The following DYNC1H1 variants were observed in gnomAD, a reference collection of about 807,000 sequenced individuals.
DYNC1H1 encodes dynein cytoplasmic 1 heavy chain 1.
A neutral mutation model predicts 527.1 loss-of-function variants in DYNC1H1; 51 were observed. The ratio of observed to expected loss-of-function variants is 0.10; its 90% CI spans 0.08 to 0.12. DYNC1H1 has a LOEUF of 0.12. Ranked by LOEUF, DYNC1H1 falls within the 10% of genes least tolerant of loss-of-function variation. The probability of loss-of-function intolerance (pLI) is 1.00; values close to 1 mark genes in which losing one functional copy is unlikely to be tolerated. For synonymous variants in DYNC1H1, 2,189 were observed against 2,278.8 expected (o/e 0.96, Z 1.12); for missense variants, 2,771 against 5,971.8 (o/e 0.46, Z 17.66).
chr14:102,042,132 T>C lies in DYNC1H1; in HGVS notation c.12214+8T>C, dbSNP rs1447108512. On this transcript the variant is annotated splice_region_variant and intron_variant, in intron 66 of 77. Coordinates refer to ENST00000360184, the MANE Select transcript of DYNC1H1 (RefSeq NM_001376.5). This position sits in a 1 kb window ranked among gnomAD's most constrained non-coding sequence, Gnocchi z 5.7. ...TCACTTCAATTGCAATCGGTAAGGA[T>C]GCTTGAGGGGCTTCATGGGCTGGAG... The C allele has an allele frequency of 6.2e-7, 1 of 1,614,096 alleles. No individual in the cohort carries two copies.
Position 102,034,161 on chromosome 14 carries a change from C to G in DYNC1H1, c.10599C>G (p.Ser3533=). ...GTCAGAACTTGTTCACTACCTGGTC[C>G]CATCACCTACAGCAAGCCAACATCC... The part of the protein sequence containing the change: ...QMRQNLFTTW[S]HHLQQANIQF... Residue 3533 remains serine, a synonymous_variant, in exon 55 of 78, where the codon TCC becomes TCG. Coordinates refer to ENST00000360184, the MANE Select transcript of DYNC1H1 (RefSeq NM_001376.5). 1 of 1,614,158 alleles carries G rather than the reference C, an allele frequency of 6.2e-7. No homozygotes were observed. The highest frequency in any genetic ancestry group is 8.5e-7 in the Non-Finnish European group (1 of 1,180,042).
chr14:102,008,632 T>C (rs763040095), intron 29 of DYNC1H1, among the ~76,000 whole-genome samples: 1 of 151,934 alleles, frequency 6.6e-6, no homozygotes, highest in Non-Finnish European at 1.5e-5. Context: ...ACTGAAAATA[T>C]AAAAATTAGC....
At chr14:101,973,679 G>A (rs1421203930) in intron 1 of DYNC1H1, among the ~76,000 whole-genome samples, 1 of 152,042 alleles carries the variant, frequency 6.6e-6, no homozygotes, top group Non-Finnish European at 1.5e-5. Flanking sequence ...TGGCATGAGC[G>A]TGGGGTCCCA....
In DYNC1H1 at chr14:102,035,446, G is replaced by A. The variant is rs1595627392; in HGVS notation, c.10754+994G>A. Reference sequence around the variant, plus strand: ...ACGTCTCACCGGGTGGTGCCAGCAAGAGTATGAATCAATCAGTACAGCCTG... The same window carrying A: ...ACGTCTCACCGGGTGGTGCCAGCAAAAGTATGAATCAATCAGTACAGCCTG... On this transcript the variant is annotated intron_variant, in intron 56 of 77. Coordinates refer to ENST00000360184, the MANE Select transcript of DYNC1H1 (RefSeq NM_001376.5). 2.6e-5 allele frequency: 4 copies of A among 152,410 alleles called. No homozygotes were observed. The East Asian group carries it at 7.7e-4, about 29-fold the overall frequency. 9.4% of individuals were successfully genotyped at this position (152,410 alleles called of 1,614,324 possible).
rs1595615408 is a variant in DYNC1H1, at chr14:102,012,547, C to G, written c.7014+77C>G. 3 of 1,592,910 alleles carry G rather than the reference C, an allele frequency of 1.9e-6. No individual in the cohort carries two copies. The East Asian group carries it at 6.7e-5, about 36-fold the overall frequency. ...AACTTCGTGTGCTAGCTAAGTGCAG[C>G]TCTGGAGTCATGGACCCAGATTCCA... On this transcript the variant is annotated intron_variant, in intron 34 of 77. Transcript: ENST00000360184. The surrounding 1 kb of genome is among the most constrained non-coding windows in gnomAD (Gnocchi z 4.9).
chr14:101,983,167 A>G lies in DYNC1H1; in HGVS notation c.1110A>G (p.Thr370=), dbSNP rs757687354. The change falls in exon 6 of 78, where the codon ACA becomes ACG. Residue 370 remains threonine (T), a synonymous_variant. Transcript: ENST00000360184. The surrounding 1 kb of genome is among the most constrained non-coding windows in gnomAD (Gnocchi z 5.3). ...CACATTTGAGAAAGATCCGAAACACAAAATATCCTATTCAGAGGGCACTGC... is the reference window on the plus strand; with the variant it reads ...CACATTTGAGAAAGATCCGAAACACGAAATATCCTATTCAGAGGGCACTGC... ...IFTHLRKIRN[T]KYPIQRALRL... is the part of the protein sequence containing the mutation. The G allele has an allele frequency of 1.2e-6, 2 of 1,614,206 alleles. No homozygotes were observed. Among genetic ancestry groups the G allele is most frequent in the Non-Finnish European group, 1.7e-6 (2 of 1,180,034 alleles).
At chr14:102,007,528 G>C (rs561724510) in intron 28 of DYNC1H1, among the ~76,000 whole-genome samples, 17 of 152,098 alleles carry the variant, frequency 1.1e-4, no homozygotes, top group Non-Finnish European at 2.1e-4. Flanking sequence ...TCATGATAAC[G>C]GCTGTTGTTC....
intron 72 of DYNC1H1, 152 bp from the exon 73 acceptor site, chr14:102,047,663 ATG>A (rs1015625599): frequency 4.7e-5 from 28 of 596,038 alleles, no homozygotes; most frequent in Middle Eastern, 4.7e-4. Flanking sequence ...ATATATATAT[ATG>A]TACACACGGC....
intron 34 of DYNC1H1, among the ~76,000 whole-genome samples, chr14:102,014,871 A>G (rs866886346): frequency 1.3e-5 from 2 of 152,022 alleles, no homozygotes; most frequent in African/African-American, 2.4e-5. Flanking sequence ...GCTAGAGTGC[A>G]GTGGCATGAT....
Position 102,030,370 on chromosome 14 carries a change from A to C in DYNC1H1, c.9883+88A>C, listed in dbSNP as rs1263567478. 1.6e-5 allele frequency: 26 copies of C among 1,595,614 alleles called. No individual in the cohort carries two copies. The East Asian group carries it at 5.6e-4, about 34-fold the overall frequency. On this transcript the variant is annotated intron_variant, in intron 51 of 77. Coordinates refer to ENST00000360184, the MANE Select transcript of DYNC1H1 (RefSeq NM_001376.5). Reference sequence around the variant, plus strand: ...GAGTTCAGGTCACTGAACATTGCACATATGCTTCCCTCAAAGGTTCTGGTT... The same window carrying C: ...GAGTTCAGGTCACTGAACATTGCACCTATGCTTCCCTCAAAGGTTCTGGTT...
chr14:101,984,282 G>A (rs572763012), intron 7 of DYNC1H1, among the ~76,000 whole-genome samples: 269 of 151,644 alleles, frequency 1.8e-3, no homozygotes, highest in African/African-American at 6.3e-3. Context: ...GAGCCACCGC[G>A]CCCTGCCCGT....
In DYNC1H1 at chr14:102,015,495, C is replaced by T. The variant is rs1667391985; in HGVS notation, c.7242+163C>T. Among the ~76,000 whole-genome samples the T allele has an allele frequency of 6.6e-6, 1 of 152,194 alleles. No homozygotes were observed. The highest frequency in any genetic ancestry group is 6.5e-5 in the Admixed American group (1 of 15,276). On this transcript the variant is annotated intron_variant, in intron 35 of 77. Transcript: ENST00000360184. The surrounding 1 kb of genome is among the most constrained non-coding windows in gnomAD (Gnocchi z 6.9). ...GATTACAGGCATGAGTCACTGTACC[C>T]AGCCAACTTTTGTGTAATCAATGTT...
rs764354743 is a variant in DYNC1H1, at chr14:102,010,072, C to A, written c.6207C>A (p.Ile2069=). The change falls in exon 30 of 78, where the codon ATC becomes ATA. Residue 2069 remains isoleucine, a synonymous_variant. Coordinates refer to ENST00000360184, the MANE Select transcript of DYNC1H1 (RefSeq NM_001376.5). The surrounding 1 kb of genome is among the most constrained non-coding windows in gnomAD (Gnocchi z 6.0). The part of the protein sequence containing the change: ...FRTAEVLANK[I]VPFFKLCDEQ... ...CTGCTGAAGTGCTTGCCAACAAAAT[C>A]GTCCCGTTTTTTAAGTAAGTAGCCT... 1.2e-6 allele frequency: 2 copies of A among 1,613,672 alleles called. No individual in the cohort carries two copies. The highest frequency in any genetic ancestry group is 1.7e-6 in the Non-Finnish European group (2 of 1,180,048).
chr14:101,982,204 C>T (rs1348561073), intron 5 of DYNC1H1, among the ~76,000 whole-genome samples: 1 of 152,218 alleles, frequency 6.6e-6, no homozygotes, highest in Non-Finnish European at 1.5e-5. Flanking sequence ...TGTCCACCAT[C>T]TCCCATTACA....
chr14:102,012,165 A>G lies in DYNC1H1; in HGVS notation c.6857+52A>G. 3 of 1,612,498 alleles carry G rather than the reference A, an allele frequency of 1.9e-6. No individual in the cohort carries two copies. The highest frequency in any genetic ancestry group is 2.5e-6 in the Non-Finnish European group (3 of 1,178,604). ...GTTCTCCTGGATATGGGCGCTAAGT[A>G]CTTTGCTCTCACAAGAGCAGAGTAT... is the stretch of plus-strand genomic sequence containing the variant. On this transcript the variant is annotated intron_variant, in intron 33 of 77. Coordinates refer to ENST00000360184, the MANE Select transcript of DYNC1H1 (RefSeq NM_001376.5). The surrounding 1 kb of genome is among the most constrained non-coding windows in gnomAD (Gnocchi z 4.9).
intron 8 of DYNC1H1, among the ~76,000 whole-genome samples, chr14:101,987,078 C>T (rs1483727038): frequency 1.3e-5 from 2 of 152,228 alleles, no homozygotes; most frequent in African/African-American, 2.4e-5. Context: ...GTCTCAGCCA[C>T]GAAGGCCTTA....
intron 51 of DYNC1H1, chr14:102,030,603 C>T (rs1283662980): frequency 1.8e-5 from 6 of 338,954 alleles, no homozygotes; most frequent in Non-Finnish European, 3.4e-5. Flanking sequence ...TTATCAATCC[C>T]TGACTTGAAT....
In DYNC1H1 at chr14:102,033,632, T is replaced by C; in HGVS notation, c.10413+148T>C. ...CCCGGAGGACTTTTTTCCTGGAAAATAATACACACTGAGTAGTCACTAAGT... is the reference window on the plus strand; with the variant it reads ...CCCGGAGGACTTTTTTCCTGGAAAACAATACACACTGAGTAGTCACTAAGT... On this transcript the variant is annotated intron_variant, in intron 54 of 77. Coordinates refer to ENST00000360184, the MANE Select transcript of DYNC1H1 (RefSeq NM_001376.5). The surrounding 1 kb of genome is among the most constrained non-coding windows in gnomAD (Gnocchi z 5.6). 1.0e-6 allele frequency: 1 copy of C among 959,664 alleles called. No individual in the cohort carries two copies. The highest frequency in any genetic ancestry group is 1.6e-6 in the Non-Finnish European group (1 of 624,346). The allele number at this position is 959,664 out of a possible 1,614,324, so 59.4% of individuals were successfully genotyped here.
chr14:101,984,383 A>G (rs544008773), intron 7 of DYNC1H1, among the ~76,000 whole-genome samples: 19 of 135,042 alleles, frequency 1.4e-4, no homozygotes, highest in South Asian at 2.4e-4. Flanking sequence ...GTGTGTGTGT[A>G]TATATATATG....
Sources: allele counts gnomAD v4.1 joint callset (sites outside exome capture counted in the v4.1 genomes callset), GRCh38; gene constraint gnomAD v4.1.1; non-coding constraint Gnocchi (gnomAD v3.1); transcripts MANE v1.5; gene names NCBI Gene and HGNC (gene_info 2026-07-23, HGNC 2026-07-21).